USP34: variants seen among roughly 807,000 people sequenced by gnomAD.
The protein encoded by USP34 is ubiquitin specific peptidase 34.
Under a neutral mutation model 460.3 loss-of-function variants are expected in USP34, and 70 were observed. That is an observed-to-expected ratio of 0.15 (90% CI 0.13 to 0.19). The LOEUF (loss-of-function observed/expected upper bound fraction) is 0.19. Among genes scored for constraint, USP34 ranks in the 10% least tolerant of loss-of-function variants. The pLI, the probability that USP34 is intolerant of heterozygous loss-of-function variation, is 1.00. For missense variants in USP34, 3,985 were observed against 4,236.2 expected (o/e 0.94, Z 1.65); for synonymous variants, 1,647 against 1,405.3 (o/e 1.17, Z -3.85).
In USP34 at chr2:61,331,131, C is replaced by T. The variant is rs77774098; in HGVS notation, c.2930+145G>A. 3.9e-5 allele frequency: 27 copies of T among 696,950 alleles called. No individual in the cohort carries two copies. The African/African-American group carries it at 5.0e-4, about 13-fold the overall frequency. The allele number at this position is 696,950 out of a possible 1,614,324, so 43.2% of individuals were successfully genotyped here. On this transcript the variant is annotated intron_variant, in intron 20 of 79. Coordinates refer to ENST00000398571, the MANE Select transcript of USP34 (RefSeq NM_014709.4). ...TAAGAATCTTTCAGCTTAAAAAGTT[C>T]TAGCAGCCTTTTCATAATTTTATAC...
At chr2:61,369,504 G>A (rs554740469) in intron 10 of USP34, among the ~76,000 whole-genome samples, 7 of 151,892 alleles carry the variant, frequency 4.6e-5, no homozygotes, top group Admixed American at 1.3e-4. Context: ...TTAGCTGGGC[G>A]TGGCGGTGCA....
chr2:61,270,619 A>G (rs2103931569), intron 41 of USP34, among the ~76,000 whole-genome samples: 1 of 151,994 alleles, frequency 6.6e-6, no homozygotes, highest in East Asian at 1.9e-4. Flanking sequence ...TATTTTTAGT[A>G]GAGACTGGGT....
intron 75 of USP34, among the ~76,000 whole-genome samples, chr2:61,198,575 AAGAG>A (rs1285519676): frequency 7.0e-6 from 1 of 142,120 alleles, no homozygotes; most frequent in Non-Finnish European, 1.5e-5. Flanking sequence ...TTTTTTTTTT[AAGAG>A]AGAGAAATAG....
intron 10 of USP34, among the ~76,000 whole-genome samples, chr2:61,354,199 C>T (rs1231060770): frequency 6.6e-6 from 1 of 152,100 alleles, no homozygotes; most frequent in Non-Finnish European, 1.5e-5. Flanking sequence ...AGACCCCTAT[C>T]GATACACAAT....
At position 61,296,856 on chromosome 2, in the gene USP34, G is replaced by A. The variant is rs757004196; in HGVS notation, c.4198C>T (p.Leu1400Phe). 6.2e-7 allele frequency: 1 copy of A among 1,613,916 alleles called. No individual in the cohort carries two copies. The highest frequency in any genetic ancestry group is 2.2e-5 in the East Asian group (1 of 44,818). Residue 1400 changes from leucine to phenylalanine, a missense_variant, in exon 30 of 80, where the codon CTT (leucine) becomes TTT (phenylalanine). Transcript: ENST00000398571. ...AACATATTAGGACATGTAGGAAGAA[G>A]CATCAGTAGCTCCCAGACCCGCCTA... is the stretch of plus-strand genomic sequence containing the variant. ...LSRRVWELLM[L>F]LPTCPNMLMA...
intron 27 of USP34, among the ~76,000 whole-genome samples, chr2:61,303,318 G>A (rs1364613041): frequency 2.6e-5 from 4 of 152,108 alleles, no homozygotes; most frequent in East Asian, 3.9e-4. Flanking sequence ...CGCCTGCCTC[G>A]GCCCCCCAAA....
intron 48 of USP34, among the ~76,000 whole-genome samples, chr2:61,254,465 A>G (rs1034365821): frequency 1.3e-5 from 2 of 152,228 alleles, no homozygotes; most frequent in African/African-American, 4.8e-5. Context: ...TTCCATGTGA[A>G]TACACTACTT....
Position 61,192,930 on chromosome 2 carries a change from T to C in USP34, c.9559A>G (p.Lys3187Glu). 6.2e-7 allele frequency: 1 copy of C among 1,613,918 alleles called. No individual in the cohort carries two copies. The highest frequency in any genetic ancestry group is 8.5e-7 in the Non-Finnish European group (1 of 1,179,870). The change falls in exon 76 of 80, where the codon AAA becomes GAA. Residue 3187 changes from lysine (K) to glutamate (E), a missense_variant. By Grantham distance (56) the Lys-to-Glu change is moderately conservative (BLOSUM62 1). This residue lies in a region of USP34 where 506 missense variants were observed against 439.0 expected (regional missense o/e 1.15). Coordinates refer to ENST00000398571, the MANE Select transcript of USP34 (RefSeq NM_014709.4). Reference sequence around the variant, plus strand: ...GTCTGGCATAGCTCAGTCCAAAGTTTGGGGAACAGTGCAAGATGAAGTGGC... The same window carrying C: ...GTCTGGCATAGCTCAGTCCAAAGTTCGGGGAACAGTGCAAGATGAAGTGGC... ...GLPLHLALFP[K>E]LWTELCQTQS...
chr2:61,424,245 G>A (rs570600184), intron 1 of USP34, among the ~76,000 whole-genome samples: 1 of 152,244 alleles, frequency 6.6e-6, no homozygotes, highest in East Asian at 1.9e-4. Context: ...AACCTGTATG[G>A]CATGTAACTG....
chr2:61,333,918 TG>T lies in USP34; in HGVS notation c.2797del (p.Gln933SerfsTer11). 6.3e-7 allele frequency: 1 copy of T among 1,595,726 alleles called. No individual in the cohort carries two copies. Among genetic ancestry groups the T allele is most frequent in the Non-Finnish European group, 8.5e-7 (1 of 1,170,908 alleles). On this transcript the variant is annotated frameshift_variant, in exon 19 of 80. Coordinates refer to ENST00000398571, the MANE Select transcript of USP34 (RefSeq NM_014709.4). LOFTEE classifies it high-confidence loss of function. ...LLPKLFGTFQ[Q>X]FGSSYDTHWI... Reference sequence around the variant, plus strand: ...GTGTGTATCGTAACTGCTCCCAAACTGCTGAAAAGTACCAAATAGTTTTGGA... The same window carrying T: ...GTGTGTATCGTAACTGCTCCCAAACTCTGAAAAGTACCAAATAGTTTTGGA...
In USP34 at chr2:61,325,453, T is replaced by C; in HGVS notation, c.2935A>G (p.Ser979Gly). 5.2e-6 allele frequency: 8 copies of C among 1,524,042 alleles called. No individual in the cohort carries two copies. Among genetic ancestry groups the C allele is most frequent in the South Asian group, 1.3e-5 (1 of 75,648 alleles). 94.4% of individuals were successfully genotyped at this position (1,524,042 alleles called of 1,614,324 possible). A position where few individuals can be genotyped will look rare whatever the true frequency, so the allele number is the denominator to read the frequency against. ...REGRQKHALYSHSAEVQVRLQ... is the reference protein window; with the variant it reads ...REGRQKHALYGHSAEVQVRLQ... ...CGAACTTGAACTTCAGCACTATGGCTGTACCTATAATTTAAAAGTCATTAA... is the reference window on the plus strand; with the variant it reads ...CGAACTTGAACTTCAGCACTATGGCCGTACCTATAATTTAAAAGTCATTAA... Residue 979 changes from serine to glycine, a missense_variant, in exon 21 of 80, where the codon AGC (serine) becomes GGC (glycine). Physicochemically the swap from Ser to Gly is moderately conservative, Grantham distance 56. Transcript: ENST00000398571.
chr2:61,396,649 C>T (rs1400752646), intron 3 of USP34, among the ~76,000 whole-genome samples: 7 of 151,992 alleles, frequency 4.6e-5, no homozygotes, highest in Non-Finnish European at 7.4e-5. Context: ...CCACCATGCC[C>T]GGCTAATTTT....
chr2:61,470,451 G>C (rs1695918915), intron 1 of USP34, among the ~76,000 whole-genome samples, 199 bp downstream of exon 1: 1 of 150,012 alleles, frequency 6.7e-6, no homozygotes, highest in Non-Finnish European at 1.5e-5. Context: ...CCGCCTCTCG[G>C]GCGCCCAGGT....
Position 61,308,415 on chromosome 2 carries a change from G to A in USP34, c.3817+3125C>T, listed in dbSNP as rs1240485028. The stretch of plus-strand genomic sequence containing the variant: ...TAGAAAGACTGCAAAATAATGTTGA[G>A]AACATCTCTCAGGAACTTGAGTTAA... On this transcript the variant is annotated intron_variant, in intron 27 of 79. Transcript: ENST00000398571. Among the ~76,000 whole-genome samples the A allele has an allele frequency of 2.0e-5, 3 of 151,904 alleles. No individual in the cohort carries two copies. The East Asian group carries it at 5.8e-4, about 29-fold the overall frequency.
At chr2:61,343,777 G>A (rs376747490) in intron 16 of USP34, 38 bp downstream of exon 16, 3 of 1,572,678 alleles carry the variant, frequency 1.9e-6, no homozygotes, top group African/African-American at 2.7e-5. Context: ...TTCCTGTTGT[G>A]AAGAAGGTAA....
rs549317975 is a variant in USP34, at chr2:61,224,843, G to GT, written c.7596-1548dup. Among the ~76,000 whole-genome samples the GT allele has an allele frequency of 3.6e-3, 552 of 152,260 alleles. 1 individual carries two copies. The highest frequency in any genetic ancestry group is 4.8e-3 in the Non-Finnish European group (325 of 68,002). ...CAATCTATGACCAGTAGAAACCTCCGTAAGTTGGCTCTTGAGTTTCTTTAC... is the reference window on the plus strand; with the variant it reads ...CAATCTATGACCAGTAGAAACCTCCGTTAAGTTGGCTCTTGAGTTTCTTTAC... On this transcript the variant is annotated intron_variant, in intron 62 of 79. Coordinates refer to ENST00000398571, the MANE Select transcript of USP34 (RefSeq NM_014709.4).
intron 2 of USP34, chr2:61,417,260 C>A: frequency 1.7e-6 from 2 of 1,149,298 alleles, no homozygotes; most frequent in Non-Finnish European, 2.6e-6. Flanking sequence ...CTCCAAGGTC[C>A]CTTAGAGCAA....
At chr2:61,217,122 T>A (rs564857818) in intron 67 of USP34, among the ~76,000 whole-genome samples, 1 of 152,292 alleles carries the variant, frequency 6.6e-6, no homozygotes, top group Non-Finnish European at 1.5e-5. Context: ...CTACTTGCTT[T>A]TAAATAAAAA....
At chr2:61,193,861 T>G (rs1479550341) in intron 75 of USP34, among the ~76,000 whole-genome samples, 2 of 152,226 alleles carry the variant, frequency 1.3e-5, no homozygotes, top group Non-Finnish European at 2.9e-5. Context: ...CCATGCTCTG[T>G]TAACACAGCT....
Sources: allele counts gnomAD v4.1 joint callset (sites outside exome capture counted in the v4.1 genomes callset), GRCh38; gene constraint gnomAD v4.1.1; regional missense constraint gnomAD v4.1.1; transcripts MANE v1.5; gene names NCBI Gene and HGNC (gene_info 2026-07-23, HGNC 2026-07-21).